Variants in STRIP2 observed in about 807,000 individuals in gnomAD.
STRIP2 encodes striatin-interacting protein 2.
STRIP2 carries 84 observed loss-of-function variants against 107.1 expected under a neutral mutation model. That is an observed-to-expected ratio of 0.78 (90% CI 0.66 to 0.94). STRIP2 has a LOEUF of 0.94. Ranked by LOEUF, STRIP2 falls within the 40% of genes least tolerant of loss-of-function variation. The pLI is 0.00. For missense variants in STRIP2, 888 were observed against 1,034.2 expected (o/e 0.86, Z 1.94); for synonymous variants, 394 against 400.4 (o/e 0.98, Z 0.19).
In STRIP2 at chr7:129,456,434, C is replaced by G; in HGVS notation, c.835-5C>G. ...CTCTCTGCCCCTTTCCTGTTTCTTCCTTAGTTTACCCTCGGTGGATTTGAG... is the reference window on the plus strand; with the variant it reads ...CTCTCTGCCCCTTTCCTGTTTCTTCGTTAGTTTACCCTCGGTGGATTTGAG... On this transcript the variant is annotated splice_region_variant and splice_polypyrimidine_tract_variant and intron_variant, in intron 8 of 20. Transcript: ENST00000249344. 6.2e-7 allele frequency: 1 copy of G among 1,613,732 alleles called. No homozygotes were observed. Among genetic ancestry groups the G allele is most frequent in the Non-Finnish European group, 8.5e-7 (1 of 1,179,800 alleles).
intron 18 of STRIP2, among the ~76,000 whole-genome samples, chr7:129,473,215 C>T (rs1351202091): frequency 6.6e-6 from 1 of 152,126 alleles, no homozygotes; most frequent in African/African-American, 2.4e-5. Context: ...TACATATAGC[C>T]ACTGTTAATA....
intron 1 of STRIP2, among the ~76,000 whole-genome samples, chr7:129,439,585 G>A (rs1797842697): frequency 6.6e-6 from 1 of 152,112 alleles, no homozygotes. Flanking sequence ...TAAAAATAAG[G>A]AACTATGATC....
chr7:129,453,181 G>T, intron 4 of STRIP2, 46 bp from the exon 5 acceptor site: 1 of 1,611,206 alleles, frequency 6.2e-7, no homozygotes. Context: ...AAAGAACTGG[G>T]ATACTGCCAC....
chr7:129,455,415 C>T (rs754601361), intron 8 of STRIP2, 44 bp downstream of exon 8: 58 of 1,584,782 alleles, frequency 3.7e-5, no homozygotes, highest in Non-Finnish European at 4.9e-5. Flanking sequence ...TCAGCAATGC[C>T]CTATGCCACC....
intron 18 of STRIP2, chr7:129,478,026 G>A (rs1004971945): frequency 1.4e-5 from 6 of 425,136 alleles, no homozygotes; most frequent in Admixed American, 5.5e-5. Context: ...ATGGCAACCA[G>A]CGGGCAACAG....
chr7:129,453,379 A>C, intron 5 of STRIP2, 32 bp downstream of exon 5: 1 of 1,613,128 alleles, frequency 6.2e-7, no homozygotes, highest in Non-Finnish European at 8.5e-7. Context: ...GCTGGCCTAC[A>C]TAACCCCCAT....
intron 18 of STRIP2, among the ~76,000 whole-genome samples, chr7:129,479,393 T>C (rs712689): frequency 0.31 from 46,539 of 151,874 alleles, 7,484 homozygotes; most frequent in African/African-American, 0.41. Context: ...CAGTAGAAAG[T>C]CCCATAGAAG....
At position 129,480,894 on chromosome 7, in the gene STRIP2, G is replaced by T; in HGVS notation, c.2049+5G>T. On this transcript the variant is annotated splice_donor_5th_base_variant and intron_variant, in intron 19 of 20. Coordinates refer to ENST00000249344, the MANE Select transcript of STRIP2 (RefSeq NM_020704.3). ...TGGAAACATTCCCGGACCATGGTGA[G>T]TGTGGTTTTTTACATCATGGAGTTG... 6.2e-7 allele frequency: 1 copy of T among 1,605,830 alleles called. No homozygotes were observed. The highest frequency in any genetic ancestry group is 8.5e-7 in the Non-Finnish European group (1 of 1,177,058).
chr7:129,436,848 T>G (rs1467151840), intron 1 of STRIP2, among the ~76,000 whole-genome samples: 1 of 152,188 alleles, frequency 6.6e-6, no homozygotes. Flanking sequence ...GCTTAGTGTG[T>G]GAACATCCCA....
Position 129,458,605 on chromosome 7 carries a change from AC to A in STRIP2, c.1275-106del. The A allele has an allele frequency of 7.4e-7, 1 of 1,359,854 alleles. No individual in the cohort carries two copies. The highest frequency in any genetic ancestry group is 1.0e-6 in the Non-Finnish European group (1 of 970,198). 84.2% of individuals were successfully genotyped at this position (1,359,854 alleles called of 1,614,324 possible). On this transcript the variant is annotated intron_variant, in intron 10 of 20. Coordinates refer to ENST00000249344, the MANE Select transcript of STRIP2 (RefSeq NM_020704.3). This position sits in a 1 kb window ranked among gnomAD's most constrained non-coding sequence, Gnocchi z 4.6. ...CTTCTGTTGATTGCTGCCTTTTTCC[AC>A]TGCTCCAGTCCTCTGATTGGAGGGA...
chr7:129,443,764 C>G (rs984999845), intron 2 of STRIP2, among the ~76,000 whole-genome samples: 1 of 152,246 alleles, frequency 6.6e-6, no homozygotes, highest in Non-Finnish European at 1.5e-5. Flanking sequence ...CAGTCCTCCT[C>G]TTGGCCCTCA....
rs756876624 is a variant in STRIP2, at chr7:129,459,577, G to A, written c.1401G>A (p.Lys467=). ...TCCATGAGAGTGTGAAGACCCTAAA[G>A]CAGGTGACTGGGGTGGGCTCTCAGT... ...RPIHESVKTL[K]QHKYISIADV... The change falls in exon 12 of 21, where the codon AAG becomes AAA. Residue 467 remains lysine (K), a synonymous_variant. Coordinates refer to ENST00000249344, the MANE Select transcript of STRIP2 (RefSeq NM_020704.3). 1.9e-6 allele frequency: 3 copies of A among 1,613,716 alleles called. No individual in the cohort carries two copies. The highest frequency in any genetic ancestry group is 1.6e-4 in the Middle Eastern group (1 of 6,084).
chr7:129,463,977 G>A, intron 14 of STRIP2, 67 bp from the exon 15 acceptor site: 1 of 1,270,674 alleles, frequency 7.9e-7, no homozygotes, highest in Non-Finnish European at 1.1e-6. Flanking sequence ...CGGTTAGGGT[G>A]TGGAAGAATC....
chr7:129,444,603 T>C (rs1797985309), intron 3 of STRIP2, among the ~76,000 whole-genome samples: 1 of 152,216 alleles, frequency 6.6e-6, no homozygotes, highest in Non-Finnish European at 1.5e-5. Flanking sequence ...ATACTTTGTA[T>C]CCTTCAATCC....
At chr7:129,484,718 C>A (rs777450669) in intron 20 of STRIP2, 4 of 152,196 alleles carry the variant, frequency 2.6e-5, no homozygotes, top group Non-Finnish European at 5.9e-5. Flanking sequence ...AGCCAGGATG[C>A]AACTTCTGCT....
chr7:129,476,420 C>T (rs1407725099), intron 18 of STRIP2, among the ~76,000 whole-genome samples: 10 of 136,890 alleles, frequency 7.3e-5, no homozygotes, highest in South Asian at 2.5e-4. Context: ...ACTTCTCAGA[C>T]GGGGCGGCTG....
rs1354850431 is a variant in STRIP2, at chr7:129,480,892, G to C, written c.2049+3G>C. 1 of 1,607,700 alleles carries C rather than the reference G, an allele frequency of 6.2e-7. No homozygotes were observed. The highest frequency in any genetic ancestry group is 1.3e-5 in the African/African-American group (1 of 74,656). On this transcript the variant is annotated splice_donor_region_variant and intron_variant, in intron 19 of 20. Transcript: ENST00000249344. ...AATGGAAACATTCCCGGACCATGGT[G>C]AGTGTGGTTTTTTACATCATGGAGT...
In STRIP2 at chr7:129,453,278, A is replaced by G. The variant is rs753765583; in HGVS notation, c.461A>G (p.Tyr154Cys). ...SEVDVLHWSRYNCFLLYQMGT... is the reference protein window; with the variant it reads ...SEVDVLHWSRCNCFLLYQMGT... ...GTCGATGTGCTACACTGGTCCAGGT[A>G]CAACTGCTTCCTGCTGTATCAGATG... The change falls in exon 5 of 21, where the codon TAC becomes TGC. Residue 154 changes from tyrosine to cysteine, a missense_variant. Transcript: ENST00000249344. 1 of 1,614,176 alleles carries G rather than the reference A, an allele frequency of 6.2e-7. No homozygotes were observed. The highest frequency in any genetic ancestry group is 8.5e-7 in the Non-Finnish European group (1 of 1,180,024).
chr7:129,443,972 C>T (rs2150988848), intron 2 of STRIP2, 52 bp from the exon 3 acceptor site: 2 of 1,402,042 alleles, frequency 1.4e-6, no homozygotes, highest in East Asian at 4.6e-5. Context: ...CTACTTTGGG[C>T]CTCTTCTTTA....
Sources: gnomAD v4.1 joint callset for allele counts (sites outside exome capture counted in the v4.1 genomes callset) on GRCh38, gnomAD v4.1.1 for gene constraint, Gnocchi (gnomAD v3.1) non-coding constraint, MANE v1.5 for transcripts, NCBI Gene and HGNC (gene_info 2026-07-23, HGNC 2026-07-21) for gene names.